The following NEDD4 variants were observed in gnomAD, a reference collection of about 807,000 sequenced individuals.
NEDD4 encodes the protein NEDD4 E3 ubiquitin protein ligase.
In NEDD4, 99 loss-of-function variants were observed where a neutral mutation model predicts 144.9. The ratio of observed to expected loss-of-function variants is 0.68; its 90% CI spans 0.58 to 0.81. NEDD4 has a LOEUF of 0.81. Among genes scored for constraint, NEDD4 ranks in the 30% least tolerant of loss-of-function variants. NEDD4 has a pLI of 0.00. For missense variants in NEDD4, 985 were observed against 1,065.9 expected, an observed-to-expected ratio of 0.92 and a Z score of 1.06; for synonymous variants, 318 against 350.6, an observed-to-expected ratio of 0.91 and a Z score of 1.04.
chr15:55,840,026 ATATATATATATATAT>A lies in NEDD4; in HGVS notation c.2031+406_2031+420del, dbSNP rs1566901240. Reference sequence around the variant, plus strand: ...TATATATATATATATATATATATATATATATATATATATATAACATTCATCATAAAAGATCATAAT... The same window carrying A: ...TATATATATATATATATATATATATAAACATTCATCATAAAAGATCATAAT... On this transcript the variant is annotated intron_variant, in intron 21 of 28. Transcript: ENST00000435532. 5.7e-3 allele frequency among the ~76,000 whole-genome samples: 468 copies of A among 81,992 alleles called. 9 individuals carry two copies. Among genetic ancestry groups the A allele is most frequent in the Middle Eastern group, 0.017 (2 of 120 alleles). The allele number at this position is 81,992 out of a possible 152,430, so 53.8% of individuals were successfully genotyped here. A position where few individuals can be genotyped will look rare whatever the true frequency, so the allele number is the denominator to read the frequency against.
At chr15:55,842,730 C>T (rs2033570628) in intron 18 of NEDD4, among the ~76,000 whole-genome samples, 1 of 152,302 alleles carries the variant, frequency 6.6e-6, no homozygotes, top group African/African-American at 2.4e-5. Flanking sequence ...ATTTCGTTAA[C>T]AGTCCTTTTC....
At chr15:55,903,657 C>G (rs1409468639) in intron 5 of NEDD4, among the ~76,000 whole-genome samples, 1 of 151,150 alleles carries the variant, frequency 6.6e-6, no homozygotes, top group Non-Finnish European at 1.5e-5. Flanking sequence ...AACCTCAGCT[C>G]TACTAAAAAT....
At chr15:55,930,269 T>A (rs2036754316) in intron 4 of NEDD4, among the ~76,000 whole-genome samples, 1 of 152,084 alleles carries the variant, frequency 6.6e-6, no homozygotes, top group Non-Finnish European at 1.5e-5. Flanking sequence ...ACACCGAAAA[T>A]ATTTACTATC....
chr15:55,959,348 G>T (rs1223312371), intron 2 of NEDD4, among the ~76,000 whole-genome samples: 2 of 152,044 alleles, frequency 1.3e-5, no homozygotes, highest in Admixed American at 6.6e-5. Context: ...GAATTCCACT[G>T]TTCTCAAAGA....
At chr15:55,907,407 A>T (rs1291131197) in intron 5 of NEDD4, among the ~76,000 whole-genome samples, 1 of 152,222 alleles carries the variant, frequency 6.6e-6, no homozygotes, top group African/African-American at 2.4e-5. Flanking sequence ...TTAGGTGTTT[A>T]CCTGCATGAA....
At chr15:55,916,044 T>A (rs1217727367) in intron 5 of NEDD4, 6 of 1,613,562 alleles carry the variant, frequency 3.7e-6, no homozygotes, top group Non-Finnish European at 5.1e-6. Flanking sequence ...TAAGGAGGAG[T>A]AACGTTTTAG....
chr15:55,869,119 C>T (rs1397488152), intron 8 of NEDD4, among the ~76,000 whole-genome samples: 17 of 152,164 alleles, frequency 1.1e-4, no homozygotes, highest in Admixed American at 9.8e-4. Context: ...GCCCCACATA[C>T]AGAAGGCTCT....
intron 1 of NEDD4, among the ~76,000 whole-genome samples, chr15:55,979,942 G>A (rs1361162779): frequency 6.7e-6 from 1 of 150,034 alleles, no homozygotes; most frequent in Non-Finnish European, 1.5e-5. Context: ...ATGGAGTCTC[G>A]CTTTGTCGCC....
At chr15:55,951,487 C>A in intron 3 of NEDD4, 24 bp downstream of exon 3, 1 of 1,481,302 alleles carries the variant, frequency 6.8e-7, no homozygotes, top group South Asian at 1.3e-5. Context: ...ACATTAAAAA[C>A]TTTTGAATAT....
rs531306216 is a variant in NEDD4 at position 55,937,926 on chromosome 15, A to G, written c.238-13227T>C. Reference sequence around the variant, plus strand: ...ATTTCCAAATATATCACAAAGCTACAGTAATTAAAACAGTATGACACAGGA... The same window carrying G: ...ATTTCCAAATATATCACAAAGCTACGGTAATTAAAACAGTATGACACAGGA... On this transcript the variant is annotated intron_variant, in intron 4 of 28. Coordinates refer to ENST00000435532, the MANE Select transcript of NEDD4 (RefSeq NM_006154.4). 5.3e-5 allele frequency among the ~76,000 whole-genome samples: 8 copies of G among 152,362 alleles called. No individual in the cohort carries two copies. The South Asian group carries it at 1.7e-3, about 32-fold the overall frequency.
In NEDD4 at chr15:55,908,369, CT is replaced by C. The variant is rs542951509; in HGVS notation, c.291+16276del. On this transcript the variant is annotated intron_variant, in intron 5 of 28. Transcript: ENST00000435532. Reference sequence around the variant, plus strand: ...CCTATTGCCATATCTCCATCTTTAACTTTTTTTTCTGCTGCATGTACACTTA... The same window carrying C: ...CCTATTGCCATATCTCCATCTTTAACTTTTTTTCTGCTGCATGTACACTTA... Among the ~76,000 whole-genome samples the C allele has an allele frequency of 2.6e-4, 39 of 152,152 alleles. 1 individual carries two copies. In the South Asian group the frequency reaches 6.5e-3, roughly 25 times the overall value.
intron 5 of NEDD4, among the ~76,000 whole-genome samples, chr15:55,903,002 A>G (rs1385686932): frequency 3.3e-5 from 5 of 151,886 alleles, no homozygotes; most frequent in Admixed American, 3.3e-4. Context: ...CTCCATCTCA[A>G]ATAAAAAATA....
chr15:55,874,024 GA>G lies in NEDD4; in HGVS notation c.292-17del. The G allele has an allele frequency of 1.4e-6, 2 of 1,436,578 alleles. No individual in the cohort carries two copies. Among genetic ancestry groups the G allele is most frequent in the Non-Finnish European group, 1.9e-6 (2 of 1,049,806 alleles). 89.0% of individuals were successfully genotyped at this position (1,436,578 alleles called of 1,614,324 possible). A position where few individuals can be genotyped will look rare whatever the true frequency, so the allele number is the denominator to read the frequency against. ...CATCTCTTGTCTATAAGAGAAGGAA[GA>G]AAAAATATAATTAGTAATACGCTCA... On this transcript the variant is annotated splice_polypyrimidine_tract_variant and intron_variant, in intron 5 of 28. Transcript: ENST00000435532.
chr15:55,883,730 AAG>A lies in NEDD4; in HGVS notation c.292-9724_292-9723del, dbSNP rs554954150. ...ACACACACACACACACACACACAGA[AAG>A]AGAAAGAGAGAGAGAGAGACTCTAT... On this transcript the variant is annotated intron_variant, in intron 5 of 28. Transcript: ENST00000435532. 3.3e-4 allele frequency among the ~76,000 whole-genome samples: 50 copies of A among 149,570 alleles called. No individual in the cohort carries two copies. The East Asian group carries it at 9.6e-3, about 29-fold the overall frequency.
chr15:55,976,075 A>G (rs1325210400), intron 1 of NEDD4, among the ~76,000 whole-genome samples: 2 of 152,230 alleles, frequency 1.3e-5, no homozygotes, highest in East Asian at 1.9e-4. Flanking sequence ...CTGGATATCC[A>G]TATATAGAAG....
intron 1 of NEDD4, among the ~76,000 whole-genome samples, chr15:55,986,881 C>G (rs2037904802): frequency 6.6e-6 from 1 of 152,058 alleles, no homozygotes; most frequent in African/African-American, 2.4e-5. Flanking sequence ...AGGCGTGAGC[C>G]ACCGCGCCCG....
chr15:55,834,410 G>T (rs2033101971), intron 24 of NEDD4, 124 bp from the exon 25 acceptor site: 1 of 632,828 alleles, frequency 1.6e-6, no homozygotes, highest in Non-Finnish European at 2.8e-6. Flanking sequence ...CACAATCACG[G>T]GCTCTTCACT....
At chr15:55,926,596 T>C (rs1034454665) in intron 4 of NEDD4, among the ~76,000 whole-genome samples, 2 of 151,638 alleles carry the variant, frequency 1.3e-5, no homozygotes, top group African/African-American at 2.4e-5. Flanking sequence ...AGGGAGACCA[T>C]CTCTACAAAA....
Position 55,869,571 on chromosome 15 carries a change from A to C in NEDD4, c.507+8T>G. On this transcript the variant is annotated splice_region_variant and intron_variant, in intron 8 of 28. Transcript: ENST00000435532. ...TTTTAGTTTAACCAAATATTTATAA[A>C]ATCTCACCTCTAATTCCTCAGCCTG... is the stretch of plus-strand genomic sequence containing the variant. The C allele has an allele frequency of 6.5e-7, 1 of 1,527,226 alleles. No individual in the cohort carries two copies. The highest frequency in any genetic ancestry group is 8.9e-7 in the Non-Finnish European group (1 of 1,126,992). 94.6% of individuals were successfully genotyped at this position (1,527,226 alleles called of 1,614,324 possible).
Sources: allele counts gnomAD v4.1 joint callset (sites outside exome capture counted in the v4.1 genomes callset), GRCh38; gene constraint gnomAD v4.1.1; transcripts MANE v1.5; gene names NCBI Gene and HGNC (gene_info 2026-07-23, HGNC 2026-07-21).